STMN3: variants seen among roughly 807,000 people sequenced by gnomAD.
The protein encoded by STMN3 is stathmin-3.
A neutral mutation model predicts 23.2 loss-of-function variants in STMN3; 24 were observed. That is an observed-to-expected ratio of 1.03 (90% CI 0.75 to 1.45). The LOEUF (loss-of-function observed/expected upper bound fraction) is 1.45, where lower values mean the gene tolerates loss of function less well. STMN3 is among the 40% of genes most tolerant of loss of function. The pLI is 0.00. For missense variants in STMN3, 235 were observed against 237.6 expected, an observed-to-expected ratio of 0.99 and a Z score of 0.07; for synonymous variants, 117 against 103.4, an observed-to-expected ratio of 1.13 and a Z score of -0.80.
At chr20:63,647,703 T>C (rs2089821627) in intron 1 of STMN3, among the ~76,000 whole-genome samples, 1 of 132,848 alleles carries the variant, frequency 7.5e-6, no homozygotes, top group South Asian at 2.2e-4. Context: ...ATATATAATA[T>C]ATATACACGT....
At position 63,652,732 on chromosome 20, in the gene STMN3, G is replaced by C; in HGVS notation, c.19+595C>G. 3.0e-6 allele frequency: 3 copies of C among 985,878 alleles called. No individual in the cohort carries two copies. Among genetic ancestry groups the C allele is most frequent in the Non-Finnish European group, 3.6e-6 (3 of 830,328 alleles). The allele number at this position is 985,878 out of a possible 1,614,324, so 61.1% of individuals were successfully genotyped here. On this transcript the variant is annotated intron_variant, in intron 1 of 4. Transcript: ENST00000370053. This position sits in a 1 kb window ranked among gnomAD's most constrained non-coding sequence, Gnocchi z 5.3. ...TCTGGCCAGAGCAGGTGGCGCGGGC[G>C]TCGCAAAGGGTGGTCCCCGAGGCCG... is the stretch of plus-strand genomic sequence containing the variant.
At chr20:63,647,846 AT>A (rs1238205485) in intron 1 of STMN3, among the ~76,000 whole-genome samples, 1 of 126,350 alleles carries the variant, frequency 7.9e-6, no homozygotes, top group Non-Finnish European at 1.7e-5. Context: ...ATATGTATAT[AT>A]TAATATATAT....
intron 3 of STMN3, among the ~76,000 whole-genome samples, chr20:63,642,952 C>A (rs2089780613): frequency 6.6e-6 from 1 of 152,148 alleles, no homozygotes; most frequent in Admixed American, 6.5e-5. Flanking sequence ...GGGTGGCACC[C>A]CCAAAAGGAC....
intron 1 of STMN3, among the ~76,000 whole-genome samples, chr20:63,647,415 G>A (rs2089817557): frequency 1.3e-5 from 2 of 150,132 alleles, no homozygotes; most frequent in South Asian, 4.2e-4. Context: ...AGGAGTTCGA[G>A]ACCAGCCTGA....
chr20:63,647,910 G>A (rs558974576), intron 1 of STMN3, among the ~76,000 whole-genome samples: 2 of 116,860 alleles, frequency 1.7e-5, no homozygotes, highest in South Asian at 2.5e-4. Flanking sequence ...ATACACGTGT[G>A]TATATATTAA....
intron 1 of STMN3, among the ~76,000 whole-genome samples, chr20:63,647,326 T>C (rs533457263): frequency 2.3e-5 from 3 of 128,660 alleles, no homozygotes; most frequent in African/African-American, 9.0e-5. Context: ...AAATTTGTAG[T>C]GGTATGGAGG....
intron 4 of STMN3, among the ~76,000 whole-genome samples, chr20:63,641,649 AG>A (rs2089763202): frequency 6.6e-6 from 1 of 152,156 alleles, no homozygotes. Context: ...AGCTTCCTTC[AG>A]GGCACTTTCA....
At position 63,643,786 on chromosome 20, in the gene STMN3, C is replaced by A; in HGVS notation, c.261G>T (p.Lys87Asn). ...KKDTSLEELQ[K>N]RLEAAEERRK... is the part of the protein sequence containing the mutation. Reference sequence around the variant, plus strand: ...TCCGCTCCTCGGCTGCCTCCAGCCGCTTTTGCAGCTCCTCCAGGGAGGTGT... The same window carrying A: ...TCCGCTCCTCGGCTGCCTCCAGCCGATTTTGCAGCTCCTCCAGGGAGGTGT... The change falls in exon 3 of 5, where the codon AAG (lysine) becomes AAT (asparagine). Residue 87 changes from lysine to asparagine, a missense_variant. By Grantham distance (94) the Lys-to-Asn change is moderately conservative (BLOSUM62 0). Transcript: ENST00000370053. 3.2e-6 allele frequency: 5 copies of A among 1,554,876 alleles called. No homozygotes were observed. Among genetic ancestry groups the A allele is most frequent in the African/African-American group, 1.4e-5 (1 of 71,042 alleles).
chr20:63,644,462 C>A (rs1021264822), intron 1 of STMN3, among the ~76,000 whole-genome samples, 153 bp from the exon 2 acceptor site: 1 of 152,144 alleles, frequency 6.6e-6, no homozygotes, highest in African/African-American at 2.4e-5. Context: ...CCGGCCCCTT[C>A]GTCTCTCCAG....
At chr20:63,646,457 C>A (rs543698079) in intron 1 of STMN3, among the ~76,000 whole-genome samples, 11 of 152,012 alleles carry the variant, frequency 7.2e-5, no homozygotes, top group Non-Finnish European at 1.2e-4. Context: ...TGGGTTCACA[C>A]CATTCTCCTG....
rs1351785936 is a variant in STMN3, at chr20:63,640,404, A to T, written c.*934T>A. 1 of 152,088 alleles carries T rather than the reference A, an allele frequency of 6.6e-6. No homozygotes were observed. Among genetic ancestry groups the T allele is most frequent in the Non-Finnish European group, 1.5e-5 (1 of 67,920 alleles). 9.4% of individuals were successfully genotyped at this position (152,088 alleles called of 1,614,324 possible). ...GAACCTTACCCGCTGCCCTTCCAAC[A>T]CCTGGATCTGTGGGCAGCGGTCCCA... is the stretch of plus-strand genomic sequence containing the variant. On this transcript the variant is annotated 3_prime_UTR_variant, in exon 5 of 5. Transcript: ENST00000370053.
At chr20:63,647,989 T>G (rs763488181) in intron 1 of STMN3, among the ~76,000 whole-genome samples, 1 of 81,804 alleles carries the variant, frequency 1.2e-5, no homozygotes, top group African/African-American at 5.6e-5. Flanking sequence ...TACATATATA[T>G]ATACAGAGAG....
intron 1 of STMN3, among the ~76,000 whole-genome samples, chr20:63,646,754 A>T (rs749122043): frequency 6.6e-6 from 1 of 150,650 alleles, no homozygotes. Context: ...GGCTTGACGG[A>T]TCCTGCCATC....
chr20:63,641,124 C>T lies in STMN3; in HGVS notation c.*214G>A. On this transcript the variant is annotated 3_prime_UTR_variant, in exon 5 of 5. Coordinates refer to ENST00000370053, the MANE Select transcript of STMN3 (RefSeq NM_015894.4). ...CGGCCTGGTGTCTGCACCGAGGGAC[C>T]GCGTCTCACGCCCGGCGGCTCCTGC... 1.6e-6 allele frequency: 1 copy of T among 625,918 alleles called. No homozygotes were observed. Among genetic ancestry groups the T allele is most frequent in the South Asian group, 1.8e-5 (1 of 56,856 alleles). 38.8% of individuals were successfully genotyped at this position (625,918 alleles called of 1,614,324 possible).
At chr20:63,644,123 G>T in intron 2 of STMN3, 91 bp downstream of exon 2, 3 of 1,384,162 alleles carry the variant, frequency 2.2e-6, no homozygotes, top group Non-Finnish European at 3.0e-6. Context: ...AGGCAGCCAG[G>T]ACGGGAGTTC....
At position 63,648,722 on chromosome 20, in the gene STMN3, C is replaced by T. The variant is rs574678822; in HGVS notation, c.20-4413G>A. Among the ~76,000 whole-genome samples, 6 of 152,098 alleles carry T rather than the reference C, an allele frequency of 3.9e-5. No homozygotes were observed. In the South Asian group the frequency reaches 8.3e-4, roughly 21 times the overall value. The stretch of plus-strand genomic sequence containing the variant: ...CTGCGTTCCAGCCTGGGCAACACAG[C>T]GAGACTCTGTCTCAAAAAACAAAAA... On this transcript the variant is annotated intron_variant, in intron 1 of 4. Transcript: ENST00000370053.
chr20:63,647,820 TAATA>T (rs1601060761), intron 1 of STMN3, among the ~76,000 whole-genome samples: 1 of 128,054 alleles, frequency 7.8e-6, no homozygotes, highest in South Asian at 2.2e-4. Flanking sequence ...CGTGTATATA[TAATA>T]TATATACGTA....
chr20:63,643,384 C>T (rs532377736), intron 3 of STMN3, among the ~76,000 whole-genome samples: 15 of 152,308 alleles, frequency 9.8e-5, no homozygotes, highest in Middle Eastern at 3.4e-3. Flanking sequence ...TGGGTTCAAG[C>T]AATTCCCCTG....
intron 1 of STMN3, among the ~76,000 whole-genome samples, chr20:63,653,018 C>T (rs1474649935): frequency 3.3e-5 from 5 of 151,944 alleles, no homozygotes; most frequent in Admixed American, 3.3e-4. Flanking sequence ...CGCGAGCCCA[C>T]GCCCGGGTCT....
Sources: allele counts gnomAD v4.1 joint callset (sites outside exome capture counted in the v4.1 genomes callset), GRCh38; gene constraint gnomAD v4.1.1; non-coding constraint Gnocchi (gnomAD v3.1); transcripts MANE v1.5; gene names NCBI Gene and HGNC (gene_info 2026-07-23, HGNC 2026-07-21).